The following DLG2 variants were observed in gnomAD, a reference collection of about 807,000 sequenced individuals.
DLG2 encodes discs large MAGUK scaffold protein 2, also known as disks large homolog 2.
Under a neutral mutation model 132.5 loss-of-function variants are expected in DLG2, and 45 were observed. The ratio of observed to expected loss-of-function variants is 0.34; its 90% CI spans 0.27 to 0.44. The LOEUF (loss-of-function observed/expected upper bound fraction) is 0.44. Among genes scored for constraint, DLG2 ranks in the 20% least tolerant of loss-of-function variants. The pLI, the probability that DLG2 is intolerant of heterozygous loss-of-function variation, is 1.00. For missense variants in DLG2, 1,045 were observed against 1,196.9 expected, an observed-to-expected ratio of 0.87 and a Z score of 1.87; for synonymous variants, 424 against 419.6, an observed-to-expected ratio of 1.01 and a Z score of -0.13.
chr11:84,851,596 G>A (rs1309537646), intron 6 of DLG2, among the ~76,000 whole-genome samples: 2 of 152,052 alleles, frequency 1.3e-5, no homozygotes, highest in African/African-American at 4.8e-5. Context: ...ATGACCATGG[G>A]TTTAGAGCAG....
At chr11:84,244,268 C>A (rs2097272705) in intron 8 of DLG2, among the ~76,000 whole-genome samples, 1 of 152,088 alleles carries the variant, frequency 6.6e-6, no homozygotes, top group Non-Finnish European at 1.5e-5. Context: ...ATTGCAACCT[C>A]CGCCTCCCGG....
intron 7 of DLG2, among the ~76,000 whole-genome samples, chr11:84,480,754 TTC>T (rs1344707435): frequency 6.7e-6 from 1 of 149,766 alleles, no homozygotes; most frequent in East Asian, 1.9e-4. Flanking sequence ...CTTGGGGGTT[TTC>T]TTTTTTTTTT....
intron 3 of DLG2, among the ~76,000 whole-genome samples, chr11:85,330,979 A>G (rs2081691211): frequency 6.6e-6 from 1 of 152,190 alleles, no homozygotes; most frequent in Non-Finnish European, 1.5e-5. Context: ...AATCACGGTA[A>G]CATGCAGGGA....
At chr11:83,985,612 G>T (rs568128733) in intron 11 of DLG2, among the ~76,000 whole-genome samples, 1 of 152,138 alleles carries the variant, frequency 6.6e-6, no homozygotes, top group South Asian at 2.1e-4. Context: ...GTGGTGTTTG[G>T]TTTTCTGTTC....
chr11:84,231,574 G>A (rs1334755730), intron 8 of DLG2, among the ~76,000 whole-genome samples: 1 of 152,142 alleles, frequency 6.6e-6, no homozygotes, highest in African/African-American at 2.4e-5. Context: ...AGAATACAGT[G>A]TATTCAGGAA....
At chr11:84,535,072 A>C (rs2099352189) in intron 6 of DLG2, among the ~76,000 whole-genome samples, 2 of 152,244 alleles carry the variant, frequency 1.3e-5, no homozygotes, top group Non-Finnish European at 2.9e-5. Flanking sequence ...AGAGTAGCTA[A>C]GTATGTGTTA....
chr11:84,350,109 C>T (rs907755949), intron 7 of DLG2, among the ~76,000 whole-genome samples: 2 of 145,100 alleles, frequency 1.4e-5, no homozygotes, highest in Non-Finnish European at 1.5e-5. Context: ...ACCCGGGAGG[C>T]GGAGCTTGCA....
At chr11:85,006,138 G>C (rs1445258831) in intron 6 of DLG2, among the ~76,000 whole-genome samples, 1 of 152,136 alleles carries the variant, frequency 6.6e-6, no homozygotes, top group Non-Finnish European at 1.5e-5. Context: ...ATAGTTTATT[G>C]AGGATTTTTG....
chr11:84,538,599 T>C (rs546285692), intron 6 of DLG2, among the ~76,000 whole-genome samples: 1 of 127,046 alleles, frequency 7.9e-6, no homozygotes, highest in Non-Finnish European at 1.7e-5. Flanking sequence ...ACTCCCTATG[T>C]TTTTTTTTTT....
At chr11:83,783,260 C>A (rs1410855657) in intron 18 of DLG2, among the ~76,000 whole-genome samples, 1 of 152,072 alleles carries the variant, frequency 6.6e-6, no homozygotes, top group Non-Finnish European at 1.5e-5. Context: ...GCAATGTGGA[C>A]AACTGGAGAC....
intron 6 of DLG2, among the ~76,000 whole-genome samples, chr11:85,110,098 C>A (rs915724553): frequency 2.0e-5 from 3 of 152,112 alleles, no homozygotes; most frequent in Admixed American, 2.0e-4. Flanking sequence ...CATGGAGAAA[C>A]AGATGTAGGA....
At chr11:83,980,793 T>A in intron 11 of DLG2, 151 bp from the exon 12 acceptor site, 1 of 795,046 alleles carries the variant, frequency 1.3e-6, no homozygotes, top group Non-Finnish European at 1.9e-6. Context: ...TATTTCAATC[T>A]CGTTATTTAA....
chr11:84,191,992 A>T (rs548748711), intron 8 of DLG2, among the ~76,000 whole-genome samples: 4 of 152,300 alleles, frequency 2.6e-5, no homozygotes, highest in African/African-American at 9.6e-5. Context: ...ATTTGTTATA[A>T]AAGTGGGTCA....
At chr11:85,383,201 TTAAG>T (rs1352016493) in intron 3 of DLG2, among the ~76,000 whole-genome samples, 2 of 152,100 alleles carry the variant, frequency 1.3e-5, no homozygotes, top group Non-Finnish European at 2.9e-5. Context: ...CTTGAAAACT[TTAAG>T]TGAGAGAAGC....
At chr11:84,259,708 T>C (rs967504269) in intron 7 of DLG2, among the ~76,000 whole-genome samples, 3 of 152,178 alleles carry the variant, frequency 2.0e-5, no homozygotes, top group African/African-American at 7.2e-5. Context: ...GGATGGAAGA[T>C]TCATGTTTTG....
rs143779980 is a variant in DLG2, at chr11:83,712,216, T to A, written c.1825+74474A>T. ...TATAAAGATACATGCACGTGTATGT[T>A]CACTGCAGCACTATTCACAATAGTA... On this transcript the variant is annotated intron_variant, in intron 18 of 27. Coordinates refer to ENST00000376104, the MANE Select transcript of DLG2 (RefSeq NM_001142699.3). 6.6e-3 allele frequency among the ~76,000 whole-genome samples: 1,005 copies of A among 152,324 alleles called. 9 individuals are homozygous for A. Among genetic ancestry groups the A allele is most frequent in the African/African-American group, 0.023 (949 of 41,564 alleles).
chr11:85,164,544 T>C (rs1415559196), intron 4 of DLG2, among the ~76,000 whole-genome samples: 1 of 152,204 alleles, frequency 6.6e-6, no homozygotes, highest in Non-Finnish European at 1.5e-5. Context: ...AAATTTCTTC[T>C]ATGCTTCTAT....
chr11:84,693,055 T>TG (rs1334558269), intron 6 of DLG2, among the ~76,000 whole-genome samples: 1 of 151,724 alleles, frequency 6.6e-6, no homozygotes, highest in Admixed American at 6.6e-5. Context: ...TCAATACCTC[T>TG]GTTTTCCTGG....
intron 7 of DLG2, among the ~76,000 whole-genome samples, chr11:84,472,786 T>A (rs1402642374): frequency 6.6e-6 from 1 of 152,006 alleles, no homozygotes; most frequent in African/African-American, 2.4e-5. Context: ...GAAAATATAT[T>A]TCTGATAAAT....
Sources: gnomAD v4.1 joint callset for allele counts (sites outside exome capture counted in the v4.1 genomes callset) on GRCh38, gnomAD v4.1.1 for gene constraint, MANE v1.5 for transcripts, NCBI Gene and HGNC (gene_info 2026-07-23, HGNC 2026-07-21) for gene names.